SLC26A4: variants seen among roughly 807,000 people sequenced by gnomAD.
SLC26A4 encodes solute carrier family 26 member 4, also known as pendrin.
Under a neutral mutation model 90.4 loss-of-function variants are expected in SLC26A4, and 93 were observed. That is an observed-to-expected ratio of 1.03 (90% CI 0.87 to 1.22). The LOEUF (loss-of-function observed/expected upper bound fraction) is 1.22, where lower values mean the gene tolerates loss of function less well. Ranked by LOEUF, SLC26A4 falls within the 50% of genes most tolerant of loss-of-function variation. The probability of loss-of-function intolerance (pLI) is 0.00; values close to 1 mark genes in which losing one functional copy is unlikely to be tolerated. For synonymous variants in SLC26A4, 393 were observed against 354.6 expected, an observed-to-expected ratio of 1.11 and a Z score of -1.22; for missense variants, 1,127 against 946.2, an observed-to-expected ratio of 1.19 and a Z score of -2.51.
Position 107,700,084 on chromosome 7 carries a change from T to C in SLC26A4, c.1616T>C (p.Ile539Thr), listed in dbSNP as rs146269871. The C allele has an allele frequency of 1.5e-4, 223 of 1,510,204 alleles. No homozygotes were observed. The African/African-American group carries it at 2.4e-3, about 16-fold the overall frequency. The allele number at this position is 1,510,204 out of a possible 1,614,324, so 93.6% of individuals were successfully genotyped here. Residue 539 changes from isoleucine (I) to threonine (T), a missense_variant and splice_region_variant, in exon 15 of 21, where the codon ATT becomes ACT. Coordinates refer to ENST00000644269, the MANE Select transcript of SLC26A4 (RefSeq NM_000441.2). ...IYKSTKNYKN[I>T]EEPQGVKILR... The stretch of plus-strand genomic sequence containing the variant: ...CCAGACAATTTCTTTTAATGCCAGA[T>C]TGAAGAACCTCAAGGAGTGAAGATT...
intron 3 of SLC26A4, among the ~76,000 whole-genome samples, chr7:107,664,265 T>C (rs570350346): frequency 6.6e-6 from 1 of 152,274 alleles, no homozygotes; most frequent in Admixed American, 6.5e-5. Flanking sequence ...AGTCTTGCTC[T>C]GTCACCCAGG....
At chr7:107,710,318 T>C (rs1792148157) in intron 19 of SLC26A4, 119 bp downstream of exon 19, 1 of 760,884 alleles carries the variant, frequency 1.3e-6, no homozygotes. Context: ...TATAACTTCA[T>C]GGAGCCTCAG....
rs780039045 is a variant in SLC26A4, at chr7:107,691,510, T to TACACACACACAC, written c.1263+1274_1263+1275insCACACACACACA. Among the ~76,000 whole-genome samples, 140 of 51,208 alleles carry TACACACACACAC rather than the reference T, an allele frequency of 2.7e-3. No homozygotes were observed. In the East Asian group the frequency reaches 0.071, roughly 26 times the overall value. 33.6% of individuals were successfully genotyped at this position (51,208 alleles called of 152,430 possible). On this transcript the variant is annotated intron_variant, in intron 10 of 20. Transcript: ENST00000644269. ...AGAGCTAGACTCTGTGTCAAATATA[T>TACACACACACAC]ATATACACACACACACACACACACA...
intron 14 of SLC26A4, among the ~76,000 whole-genome samples, chr7:107,698,653 G>A (rs942079598): frequency 2.4e-4 from 37 of 151,988 alleles, no homozygotes; most frequent in African/African-American, 8.9e-4. Flanking sequence ...TGTTGTAAGA[G>A]GAATTTAAAA....
intron 20 of SLC26A4, 145 bp from the exon 21 acceptor site, chr7:107,715,278 T>A (rs1043742615): frequency 2.6e-6 from 2 of 759,700 alleles, no homozygotes; most frequent in Non-Finnish European, 4.7e-6. Flanking sequence ...ATGAAGTTTT[T>A]ACCCTATTTC....
Position 107,701,835 on chromosome 7 carries a change from C to T in SLC26A4, c.1812C>T (p.Ile604=). The T allele has an allele frequency of 6.3e-7, 1 of 1,598,894 alleles. No homozygotes were observed. Among genetic ancestry groups the T allele is most frequent in the Non-Finnish European group, 8.6e-7 (1 of 1,166,366 alleles). ...SGQLRATKNG[I]ISDAVSTNNA... Reference sequence around the variant, plus strand: ...GTGTTTTCTTCGTTTAGAATGGCATCATAAGTGATGCTGTTTCAACAAATA... The same window carrying T: ...GTGTTTTCTTCGTTTAGAATGGCATTATAAGTGATGCTGTTTCAACAAATA... Residue 604 remains isoleucine (I), a synonymous_variant, in exon 17 of 21, where the codon ATC becomes ATT. Transcript: ENST00000644269.
chr7:107,699,984 G>C, intron 14 of SLC26A4, 99 bp from the exon 15 acceptor site: 1 of 774,288 alleles, frequency 1.3e-6, no homozygotes, highest in Non-Finnish European at 2.4e-6. Context: ...CAGCTCCTCT[G>C]AGCAACTGTG....
chr7:107,693,494 G>T (rs1244175166), intron 10 of SLC26A4: 11 of 985,306 alleles, frequency 1.1e-5, no homozygotes, highest in Non-Finnish European at 1.2e-5. Flanking sequence ...CTTCCCAGTT[G>T]TTTCCTCTCT....
chr7:107,698,926 G>A (rs574958395), intron 14 of SLC26A4, among the ~76,000 whole-genome samples: 12 of 152,068 alleles, frequency 7.9e-5, no homozygotes, highest in Non-Finnish European at 1.3e-4. Context: ...GTGACTAGGG[G>A]AAACAAAGAT....
intron 20 of SLC26A4, among the ~76,000 whole-genome samples, chr7:107,714,872 G>T (rs932523405): frequency 3.9e-5 from 6 of 152,050 alleles, no homozygotes; most frequent in Non-Finnish European, 7.4e-5. Flanking sequence ...GCAGTGCCTT[G>T]TACATAGTAA....
At chr7:107,695,054 T>C (rs899836057) in intron 12 of SLC26A4, among the ~76,000 whole-genome samples, 4 of 152,130 alleles carry the variant, frequency 2.6e-5, no homozygotes, top group African/African-American at 7.2e-5. Context: ...AAAAACAAAA[T>C]ACAAAATGTA....
chr7:107,680,191 TTATCTTATTATATAATATAATCTTATAA>T (rs1791178727), intron 6 of SLC26A4, among the ~76,000 whole-genome samples: 1 of 123,558 alleles, frequency 8.1e-6, no homozygotes, highest in Non-Finnish European at 1.6e-5. Flanking sequence ...TAATATAATC[TTATCTTATTATATAATATAATCTTATAA>T]TATAATCTTA....
At chr7:107,670,309 A>G (rs1009596075) in intron 3 of SLC26A4, among the ~76,000 whole-genome samples, 2 of 151,796 alleles carry the variant, frequency 1.3e-5, no homozygotes, top group Admixed American at 6.6e-5. Flanking sequence ...GGGTTTCACC[A>G]TCTTGGCCAG....
intron 10 of SLC26A4, chr7:107,693,650 C>G: frequency 1.0e-6 from 1 of 986,510 alleles, no homozygotes; most frequent in Non-Finnish European, 1.2e-6. Context: ...CCCTCAGCCT[C>G]TCTCCTAACT....
intron 13 of SLC26A4, among the ~76,000 whole-genome samples, chr7:107,697,244 AC>A (rs1309244558): frequency 6.6e-6 from 1 of 152,208 alleles, no homozygotes; most frequent in Non-Finnish European, 1.5e-5. Flanking sequence ...TAGCTTATAA[AC>A]TTTTAAGTTA....
At chr7:107,686,335 C>CCCTCCCTTTCCTCCCCTTCCT (rs1791405842) in intron 8 of SLC26A4, among the ~76,000 whole-genome samples, 2 of 128,186 alleles carry the variant, frequency 1.6e-5, no homozygotes, top group Non-Finnish European at 1.6e-5. Flanking sequence ...TTCCTACCTG[C>CCCTCCCTTTCCTCCCCTTCCT]ACTCCCTTTC....
In SLC26A4 at chr7:107,684,800, G is replaced by T. The variant is rs536044368; in HGVS notation, c.1001+1263G>T. Among the ~76,000 whole-genome samples the T allele has an allele frequency of 1.2e-4, 18 of 152,232 alleles. 1 individual carries two copies. In the South Asian group the frequency reaches 2.5e-3, roughly 21 times the overall value. ...ATCAACAAATCTAATCTAACAACTA[G>T]ATAATTTCATTAGTTAGAAACAATT... On this transcript the variant is annotated intron_variant, in intron 8 of 20. Coordinates refer to ENST00000644269, the MANE Select transcript of SLC26A4 (RefSeq NM_000441.2).
At chr7:107,669,403 T>C (rs1474302746) in intron 3 of SLC26A4, among the ~76,000 whole-genome samples, 1 of 152,202 alleles carries the variant, frequency 6.6e-6, no homozygotes, top group Non-Finnish European at 1.5e-5. Flanking sequence ...TCCAGGCATA[T>C]TAAGAACTGC....
rs1791525285 is a variant in SLC26A4, at chr7:107,690,123, G to A, written c.1150-1G>A. ...TCGTTGTCATCCAGTCTCTTCCTTAGGAATTCATTGCCTTTGGGATCAGCA... is the reference window on the plus strand; with the variant it reads ...TCGTTGTCATCCAGTCTCTTCCTTAAGAATTCATTGCCTTTGGGATCAGCA... On this transcript the variant is annotated splice_acceptor_variant, in intron 9 of 20. Transcript: ENST00000644269. LOFTEE classifies it high-confidence loss of function. The A allele has an allele frequency of 2.6e-6, 4 of 1,568,208 alleles. No homozygotes were observed. The highest frequency in any genetic ancestry group is 1.4e-5 in the African/African-American group (1 of 74,048).
Sources: allele counts gnomAD v4.1 joint callset (sites outside exome capture counted in the v4.1 genomes callset), GRCh38; gene constraint gnomAD v4.1.1; transcripts MANE v1.5; gene names NCBI Gene and HGNC (gene_info 2026-07-23, HGNC 2026-07-21).